The following SGPP2 variants were observed in gnomAD, a reference collection of about 807,000 sequenced individuals.
The protein encoded by SGPP2 is sphingosine-1-phosphate phosphatase 2, also known as sphingosine 1-phosphate phosphohydrolase 2.
A neutral mutation model predicts 33.9 loss-of-function variants in SGPP2; 30 were observed. The ratio of observed to expected loss-of-function variants is 0.89; its 90% CI spans 0.66 to 1.20. The LOEUF (loss-of-function observed/expected upper bound fraction) is 1.20. SGPP2 is among the 50% of genes most tolerant of loss of function. SGPP2 has a pLI of 0.00. For synonymous variants in SGPP2, 233 were observed against 225.0 expected, an observed-to-expected ratio of 1.04 and a Z score of -0.32; for missense variants, 458 against 532.1, an observed-to-expected ratio of 0.86 and a Z score of 1.37.
At chr2:222,530,807 C>A (rs561951946) in intron 4 of SGPP2, among the ~76,000 whole-genome samples, 1 of 152,300 alleles carries the variant, frequency 6.6e-6, no homozygotes. Flanking sequence ...AGAGGCTTAG[C>A]TTTTGGCCTA....
intron 2 of SGPP2, among the ~76,000 whole-genome samples, chr2:222,496,373 T>G (rs1049424768): frequency 1.3e-5 from 2 of 152,226 alleles, no homozygotes; most frequent in African/African-American, 4.8e-5. Context: ...TTACCTTGTA[T>G]GGACCCTGGA....
chr2:222,448,858 T>G (rs1049203177), intron 1 of SGPP2, among the ~76,000 whole-genome samples: 2 of 152,184 alleles, frequency 1.3e-5, no homozygotes, highest in African/African-American at 4.8e-5. Flanking sequence ...GGCTCCTAAT[T>G]ATGACAGCAG....
At chr2:222,545,561 C>T (rs1371611761) in intron 4 of SGPP2, among the ~76,000 whole-genome samples, 2 of 152,112 alleles carry the variant, frequency 1.3e-5, no homozygotes, top group Non-Finnish European at 2.9e-5. Context: ...GGATTACAGG[C>T]GTGAGCCACC....
intron 1 of SGPP2, among the ~76,000 whole-genome samples, chr2:222,440,831 T>C (rs1697313935): frequency 6.6e-6 from 1 of 151,970 alleles, no homozygotes; most frequent in Non-Finnish European, 1.5e-5. Context: ...AACATCAGCT[T>C]TCAGCCTAGC....
At chr2:222,486,902 A>G (rs1290225217) in intron 2 of SGPP2, among the ~76,000 whole-genome samples, 1 of 152,090 alleles carries the variant, frequency 6.6e-6, no homozygotes, top group Admixed American at 6.5e-5. Flanking sequence ...TGGGTAGTAA[A>G]CCACATTAAT....
At position 222,462,630 on chromosome 2, in the gene SGPP2, C is replaced by T. The variant is rs138293976; in HGVS notation, c.220-11938C>T. 1.6e-3 allele frequency among the ~76,000 whole-genome samples: 249 copies of T among 152,222 alleles called. 1 individual carries two copies. Among genetic ancestry groups the T allele is most frequent in the Non-Finnish European group, 2.9e-3 (199 of 68,010 alleles). ...AAAATTTAAGATTTTCGATCTTAATCGCAATCACAATTTCGTTAAGATACA... is the reference window on the plus strand; with the variant it reads ...AAAATTTAAGATTTTCGATCTTAATTGCAATCACAATTTCGTTAAGATACA... On this transcript the variant is annotated intron_variant, in intron 1 of 4. Transcript: ENST00000321276.
intron 2 of SGPP2, among the ~76,000 whole-genome samples, chr2:222,486,497 T>G (rs1553537445): frequency 6.6e-6 from 1 of 152,216 alleles, no homozygotes; most frequent in Non-Finnish European, 1.5e-5. Context: ...GAGCCACATG[T>G]GGCTGTGTGG....
intron 4 of SGPP2, among the ~76,000 whole-genome samples, chr2:222,528,787 T>G (rs1326774458): frequency 6.6e-6 from 1 of 152,172 alleles, no homozygotes; most frequent in Non-Finnish European, 1.5e-5. Context: ...TGGCTAATTT[T>G]TGTATTTTTA....
intron 1 of SGPP2, among the ~76,000 whole-genome samples, chr2:222,468,566 G>T (rs1697786578): frequency 6.6e-6 from 1 of 152,176 alleles, no homozygotes. Flanking sequence ...AGCTGGGCTG[G>T]CCGCCAAGTC....
intron 2 of SGPP2, among the ~76,000 whole-genome samples, chr2:222,496,714 T>C (rs1348668348): frequency 1.3e-5 from 2 of 152,188 alleles, no homozygotes; most frequent in Non-Finnish European, 2.9e-5. Flanking sequence ...AGGTACATAT[T>C]CTACTTTGTG....
intron 4 of SGPP2, among the ~76,000 whole-genome samples, chr2:222,557,259 G>A (rs1228109340): frequency 1.3e-5 from 2 of 152,222 alleles, no homozygotes; most frequent in Admixed American, 1.3e-4. Context: ...GATGGTGTAT[G>A]TTTGGTTCAC....
chr2:222,434,768 G>T (rs1181589881), intron 1 of SGPP2, among the ~76,000 whole-genome samples: 1 of 151,998 alleles, frequency 6.6e-6, no homozygotes, highest in Non-Finnish European at 1.5e-5. Context: ...GAATGCACAG[G>T]CTGCTGGGGT....
intron 2 of SGPP2, among the ~76,000 whole-genome samples, chr2:222,499,640 TG>T (rs1051590770): frequency 3.9e-5 from 6 of 152,024 alleles, no homozygotes; most frequent in Non-Finnish European, 8.8e-5. Context: ...AAACACAAGT[TG>T]GGGCATTGGG....
chr2:222,507,514 T>C (rs1698462786), intron 2 of SGPP2, among the ~76,000 whole-genome samples: 1 of 152,236 alleles, frequency 6.6e-6, no homozygotes, highest in South Asian at 2.1e-4. Context: ...TATTTCTTAG[T>C]CTTTTCATGG....
In SGPP2 at chr2:222,426,209, CAAAAAAAAA is replaced by C. The variant is rs59881994; in HGVS notation, c.219+1405_219+1413del. Among the ~76,000 whole-genome samples, 8 of 58,758 alleles carry C rather than the reference CAAAAAAAAA, an allele frequency of 1.4e-4. 1 individual carries two copies. Among genetic ancestry groups the C allele is most frequent in the African/African-American group, 3.8e-4 (6 of 15,590 alleles). 38.5% of individuals were successfully genotyped at this position (58,758 alleles called of 152,430 possible). On this transcript the variant is annotated intron_variant, in intron 1 of 4. Transcript: ENST00000321276. ...AGGGCGACTGAGCGAGACTCCGTCT[CAAAAAAAAA>C]AAAAAAAAAAAAAAAAGACCAAAAC...
chr2:222,545,370 C>T (rs1689169039), intron 4 of SGPP2, among the ~76,000 whole-genome samples: 1 of 151,448 alleles, frequency 6.6e-6, no homozygotes, highest in Middle Eastern at 3.4e-3. Flanking sequence ...CAACCTCCTT[C>T]TCCCAGGTTC....
intron 1 of SGPP2, among the ~76,000 whole-genome samples, chr2:222,428,454 T>G (rs2106053718): frequency 6.6e-6 from 1 of 152,334 alleles, no homozygotes; most frequent in African/African-American, 2.4e-5. Context: ...CAGCAGTACA[T>G]TAGACTAAGG....
chr2:222,428,076 T>C (rs1574824939), intron 1 of SGPP2, among the ~76,000 whole-genome samples: 1 of 152,332 alleles, frequency 6.6e-6, no homozygotes, highest in South Asian at 2.1e-4. Flanking sequence ...CTAAACTTCT[T>C]TCCTCTGTGC....
rs546890528 is a variant in SGPP2, at chr2:222,517,466, C to T, written c.379-4301C>T. On this transcript the variant is annotated intron_variant, in intron 2 of 4. Coordinates refer to ENST00000321276, the MANE Select transcript of SGPP2 (RefSeq NM_152386.4). ...GAAGATCATTTTCCCACCACATCCC[C>T]CTTCCAACTCCCCATCCATTCCACA... Among the ~76,000 whole-genome samples the T allele has an allele frequency of 2.6e-5, 4 of 152,264 alleles. No homozygotes were observed. The East Asian group carries it at 5.8e-4, about 22-fold the overall frequency.
Sources: allele counts gnomAD v4.1 joint callset (sites outside exome capture counted in the v4.1 genomes callset), GRCh38; gene constraint gnomAD v4.1.1; transcripts MANE v1.5; gene names NCBI Gene and HGNC (gene_info 2026-07-23, HGNC 2026-07-21).